C5orf22: variants seen among roughly 807,000 people sequenced by gnomAD.
C5orf22 encodes UPF0489 protein C5orf22.
A neutral mutation model predicts 48.7 loss-of-function variants in C5orf22; 36 were observed. The ratio of observed to expected loss-of-function variants is 0.74; its 90% CI spans 0.57 to 0.98. C5orf22 has a LOEUF of 0.98. Ranked by LOEUF, C5orf22 falls within the 50% of genes least tolerant of loss-of-function variation. The pLI is 0.00. For synonymous variants in C5orf22, 141 were observed against 180.8 expected (o/e 0.78, Z 1.76); for missense variants, 486 against 521.9 (o/e 0.93, Z 0.67).
At chr5:31,547,264 C>T (rs116153102) in intron 7 of C5orf22, among the ~76,000 whole-genome samples, 2,200 of 152,306 alleles carry the variant, frequency 0.014, 57 homozygotes, top group African/African-American at 0.05. Context: ...CAGTTCTGCC[C>T]CTGTGGCTTT....
At chr5:31,543,115 T>C (rs1472715434) in intron 6 of C5orf22, among the ~76,000 whole-genome samples, 1 of 152,246 alleles carries the variant, frequency 6.6e-6, no homozygotes, top group African/African-American at 2.4e-5. Context: ...GTATTATCTA[T>C]TCAAAATACT....
chr5:31,534,478 A>C, intron 2 of C5orf22, 61 bp downstream of exon 2: 1 of 1,435,190 alleles, frequency 7.0e-7, no homozygotes, highest in Non-Finnish European at 9.5e-7. Flanking sequence ...GTAGATAATA[A>C]GCAATTATAG....
At chr5:31,548,651 A>T (rs1209492825) in intron 7 of C5orf22, 2 of 397,894 alleles carry the variant, frequency 5.0e-6, no homozygotes, top group Non-Finnish European at 9.9e-6. Flanking sequence ...AACTGTTCCA[A>T]CCTCTGCCAG....
Position 31,538,569 on chromosome 5 carries a change from C to G in C5orf22, c.687C>G (p.Cys229Trp). Residue 229 changes from cysteine to tryptophan, a missense_variant, in exon 4 of 9, where the codon TGC becomes TGG. Physicochemically the swap from Cys to Trp is radical, Grantham distance 215 (BLOSUM62 -2). Coordinates refer to ENST00000325366, the MANE Select transcript of C5orf22 (RefSeq NM_018356.3). Reference sequence around the variant, plus strand: ...CATGTTCTTCTGAAAATCAGGAATGCCAGACTGCTGCCAGCACTGGGGAAA... The same window carrying G: ...CATGTTCTTCTGAAAATCAGGAATGGCAGACTGCTGCCAGCACTGGGGAAA... ...SCSCSSENQE[C>W]QTAASTGEIL... The G allele has an allele frequency of 1.2e-6, 2 of 1,613,944 alleles. No individual in the cohort carries two copies. Among genetic ancestry groups the G allele is most frequent in the Non-Finnish European group, 8.5e-7 (1 of 1,179,900 alleles).
intron 8 of C5orf22, 146 bp from the exon 9 acceptor site, chr5:31,552,627 C>G: frequency 1.6e-6 from 1 of 627,724 alleles, no homozygotes; most frequent in Non-Finnish European, 2.7e-6. Context: ...ATGGGGTAAA[C>G]CTTCACTAGC....
intron 7 of C5orf22, among the ~76,000 whole-genome samples, 177 bp from the exon 8 acceptor site, chr5:31,551,116 A>G (rs984893803): frequency 2.0e-5 from 3 of 152,224 alleles, no homozygotes; most frequent in Non-Finnish European, 4.4e-5. Flanking sequence ...GGTGTTGGAT[A>G]TCCCAGTTAC....
intron 3 of C5orf22, among the ~76,000 whole-genome samples, chr5:31,536,395 C>T (rs1742096078): frequency 6.6e-6 from 1 of 152,078 alleles, no homozygotes; most frequent in Non-Finnish European, 1.5e-5. Context: ...TGGTGGCAGG[C>T]GCCTGTAGTC....
chr5:31,545,866 A>G (rs768727505), intron 7 of C5orf22, among the ~76,000 whole-genome samples, 154 bp downstream of exon 7: 2 of 152,188 alleles, frequency 1.3e-5, no homozygotes, highest in Non-Finnish European at 2.9e-5. Context: ...AAAAAAATAC[A>G]TACGTTGAAA....
chr5:31,534,049 G>A (rs1438022108), intron 1 of C5orf22, among the ~76,000 whole-genome samples: 1 of 152,238 alleles, frequency 6.6e-6, no homozygotes, highest in African/African-American at 2.4e-5. Flanking sequence ...GGGGGCAGCA[G>A]GAAGGCCGCT....
intron 5 of C5orf22, 25 bp downstream of exon 5, chr5:31,541,036 G>A: frequency 6.5e-7 from 1 of 1,550,376 alleles, no homozygotes; most frequent in South Asian, 1.1e-5. Context: ...TTTCTTTGGG[G>A]TTTTATTCAT....
intron 5 of C5orf22, 71 bp downstream of exon 5, chr5:31,541,082 C>T: frequency 2.4e-6 from 3 of 1,266,218 alleles, no homozygotes; most frequent in Admixed American, 1.8e-5. Context: ...CAAATTACCA[C>T]AGTGATCTCA....
Position 31,534,275 on chromosome 5 carries a change from C to A in C5orf22, c.85C>A (p.Leu29Ile), listed in dbSNP as rs756237388. 6 of 1,611,150 alleles carry A rather than the reference C, an allele frequency of 3.7e-6. No homozygotes were observed. The Admixed American group carries it at 5.1e-5, about 14-fold the overall frequency. The stretch of plus-strand genomic sequence containing the variant: ...TGTGTGCCTGTGTCTTTTACAGGTT[C>A]TACCCTTTATATACCGGGCCATAGG... ...VWVVEDHQEV[L>I]PFIYRAIGSK... Residue 29 changes from leucine (L) to isoleucine (I), a missense_variant, in exon 2 of 9, where the codon CTA (leucine) becomes ATA (isoleucine). This residue lies in a region of C5orf22 where 74 missense variants were observed against 61.2 expected (regional missense o/e 1.21). Transcript: ENST00000325366.
chr5:31,541,371 G>C lies in C5orf22; in HGVS notation c.961G>C (p.Glu321Gln). Residue 321 changes from glutamate to glutamine, a missense_variant, in exon 6 of 9, where the codon GAA (glutamate) becomes CAA (glutamine). Glu to Gln is a conservative substitution (Grantham distance 29, BLOSUM62 2). This residue lies in a region of C5orf22 where 408 missense variants were observed against 444.0 expected (regional missense o/e 0.92). Transcript: ENST00000325366. ...FADLCDGDDE[E>Q]TVQRWASNPG... is the part of the protein sequence containing the mutation. The stretch of plus-strand genomic sequence containing the variant: ...TGATTTGTGTGATGGTGATGATGAA[G>C]AAACGGTACAGAGATGGGCTTCAAA... The C allele has an allele frequency of 6.2e-7, 1 of 1,614,106 alleles. No homozygotes were observed. Among genetic ancestry groups the C allele is most frequent in the Non-Finnish European group, 8.5e-7 (1 of 1,180,012 alleles).
At chr5:31,541,453 A>G (rs1166015488) in intron 6 of C5orf22, 51 bp downstream of exon 6, 8 of 1,583,846 alleles carry the variant, frequency 5.1e-6, no homozygotes, top group African/African-American at 1.4e-5. Context: ...TTTCAGTCCT[A>G]GATATGTTCC....
At chr5:31,543,773 C>T (rs1230045588) in intron 6 of C5orf22, among the ~76,000 whole-genome samples, 1 of 152,008 alleles carries the variant, frequency 6.6e-6, no homozygotes, top group Non-Finnish European at 1.5e-5. Context: ...TCAACAACAA[C>T]AAAATAGGCC....
At chr5:31,536,794 T>C (rs1742125610) in intron 3 of C5orf22, among the ~76,000 whole-genome samples, 1 of 152,188 alleles carries the variant, frequency 6.6e-6, no homozygotes, top group South Asian at 2.1e-4. Flanking sequence ...CTTTCAGAAA[T>C]ATCAATATGT....
intron 6 of C5orf22, 111 bp from the exon 7 acceptor site, chr5:31,545,535 G>T (rs1174662978): frequency 2.7e-6 from 2 of 750,698 alleles, no homozygotes; most frequent in African/African-American, 1.8e-5. Flanking sequence ...TTTCCCAAGT[G>T]CCATATGAAG....
chr5:31,541,140 G>A (rs1742434806), intron 5 of C5orf22, 129 bp downstream of exon 5: 6 of 988,282 alleles, frequency 6.1e-6, no homozygotes, highest in South Asian at 1.5e-5. Context: ...GTGTGTGTGT[G>A]TGTGTGTGTA....
At position 31,538,266 on chromosome 5, in the gene C5orf22, A is replaced by G; in HGVS notation, c.384A>G (p.Thr128=). 1 of 1,591,498 alleles carries G rather than the reference A, an allele frequency of 6.3e-7. No homozygotes were observed. The highest frequency in any genetic ancestry group is 8.6e-7 in the Non-Finnish European group (1 of 1,167,560). Residue 128 remains threonine (T), a synonymous_variant, in exon 4 of 9, where the codon ACA becomes ACG. Transcript: ENST00000325366. ...KDTSTTTIRV[T]STDHYFLSDG... is the part of the protein sequence containing the mutation. ...GTTTTTTCCTCTGATTCAGGGTTACAAGTACAGATCATTATTTCCTAAGTG... is the reference window on the plus strand; with the variant it reads ...GTTTTTTCCTCTGATTCAGGGTTACGAGTACAGATCATTATTTCCTAAGTG...
Sources: gnomAD v4.1 joint callset for allele counts (sites outside exome capture counted in the v4.1 genomes callset) on GRCh38, gnomAD v4.1.1 for gene constraint, gnomAD v4.1.1 regional missense constraint, MANE v1.5 for transcripts, NCBI Gene and HGNC (gene_info 2026-07-23, HGNC 2026-07-21) for gene names.